The following NRXN3 variants were observed in gnomAD, a reference collection of about 807,000 sequenced individuals.
The protein encoded by NRXN3 is neurexin 3.
NRXN3 carries 32 observed loss-of-function variants against 137.6 expected under a neutral mutation model. The ratio of observed to expected loss-of-function variants is 0.23; its 90% CI spans 0.18 to 0.31. NRXN3 has a LOEUF of 0.31. Among genes scored for constraint, NRXN3 ranks in the 10% least tolerant of loss-of-function variants. NRXN3 has a pLI of 1.00. For missense variants in NRXN3, 1,574 were observed against 2,062.5 expected (o/e 0.76, Z 4.59); for synonymous variants, 798 against 784.5 (o/e 1.02, Z -0.29).
rs11628798 is a variant in NRXN3 at position 79,082,077 on chromosome 14, T to C, written c.3262+93936T>C. Reference sequence around the variant, plus strand: ...TATATATGTTTCATACATATATATATACATATATACACATACTTATATATA... The same window carrying C: ...TATATATGTTTCATACATATATATACACATATATACACATACTTATATATA... On this transcript the variant is annotated intron_variant, in intron 15 of 20. Transcript: ENST00000335750. 4.8e-3 allele frequency among the ~76,000 whole-genome samples: 721 copies of C among 151,424 alleles called. 5 individuals carry two copies. The highest frequency in any genetic ancestry group is 0.016 in the African/African-American group (652 of 41,306).
rs143237490 is a variant in NRXN3 at position 78,603,851 on chromosome 14, C to T, written c.758-41269C>T. Among the ~76,000 whole-genome samples the T allele has an allele frequency of 2.3e-3, 348 of 152,212 alleles. 2 individuals carry two copies. Among genetic ancestry groups the T allele is most frequent in the African/African-American group, 7.9e-3 (326 of 41,524 alleles). On this transcript the variant is annotated intron_variant, in intron 4 of 20. Coordinates refer to ENST00000335750, the MANE Select transcript of NRXN3 (RefSeq NM_001330195.2). ...TCATTGGAAATGAAGTTGTTGGCAC[C>T]GACAGTCACAGTTATGAAAATAAGA...
At chr14:79,008,647 T>C (rs58381812) in intron 15 of NRXN3, among the ~76,000 whole-genome samples, 4 of 150,710 alleles carry the variant, frequency 2.7e-5, no homozygotes, top group South Asian at 2.1e-4. Flanking sequence ...TTTTCTTTTC[T>C]TTTTTTCTCT....
chr14:79,585,870 A>G (rs546377090), intron 16 of NRXN3, among the ~76,000 whole-genome samples: 32 of 152,118 alleles, frequency 2.1e-4, no homozygotes, highest in Non-Finnish European at 3.5e-4. Context: ...TGAGGTATGG[A>G]TGAACAGCAA....
intron 15 of NRXN3, among the ~76,000 whole-genome samples, chr14:79,364,776 T>G (rs2093817045): frequency 6.6e-6 from 1 of 152,204 alleles, no homozygotes; most frequent in Admixed American, 6.5e-5. Flanking sequence ...AATTTATTTT[T>G]GCTTCCTAGA....
chr14:79,347,002 C>T (rs2092920649), intron 15 of NRXN3, among the ~76,000 whole-genome samples: 1 of 152,050 alleles, frequency 6.6e-6, no homozygotes, highest in South Asian at 2.1e-4. Context: ...TAAAAACATT[C>T]AGGCTTTGAT....
intron 2 of NRXN3, among the ~76,000 whole-genome samples, chr14:78,257,953 G>A (rs368336457): frequency 9.2e-5 from 14 of 152,138 alleles, no homozygotes; most frequent in East Asian, 3.9e-4. Flanking sequence ...GATGGAAGAA[G>A]GGCTGATTGC....
intron 15 of NRXN3, among the ~76,000 whole-genome samples, chr14:79,114,375 T>A (rs1242006517): frequency 6.6e-6 from 1 of 152,176 alleles, no homozygotes; most frequent in African/African-American, 2.4e-5. Flanking sequence ...TTTTTTTTTG[T>A]TATGAGACAG....
intron 10 of NRXN3, among the ~76,000 whole-genome samples, chr14:78,813,283 C>T (rs1363970239): frequency 6.6e-6 from 1 of 152,178 alleles, no homozygotes; most frequent in African/African-American, 2.4e-5. Flanking sequence ...ATCCGAACTT[C>T]TAAGCCCCTC....
At chr14:78,444,822 G>A (rs1343808967) in intron 4 of NRXN3, among the ~76,000 whole-genome samples, 1 of 150,340 alleles carries the variant, frequency 6.7e-6, no homozygotes, top group Non-Finnish European at 1.5e-5. Flanking sequence ...GGGAGGCTGA[G>A]GCAGAAGAAC....
intron 4 of NRXN3, among the ~76,000 whole-genome samples, chr14:78,490,990 T>C (rs2095655431): frequency 6.6e-6 from 1 of 152,192 alleles, no homozygotes; most frequent in South Asian, 2.1e-4. Flanking sequence ...CTTCTGCATG[T>C]GCCTCCTTCT....
At chr14:78,545,946 GATGAT>G (rs566581292) in intron 4 of NRXN3, among the ~76,000 whole-genome samples, 128 of 152,256 alleles carry the variant, frequency 8.4e-4, no homozygotes, top group Non-Finnish European at 1.3e-3. Context: ...ATTCCAGTCT[GATGAT>G]ATGTTATATA....
At chr14:79,276,709 TA>T (rs757712972) in intron 15 of NRXN3, among the ~76,000 whole-genome samples, 7,776 of 121,920 alleles carry the variant, frequency 0.064, 423 homozygotes, top group African/African-American at 0.18. Context: ...CAATGCCAAT[TA>T]AAAAAAAAAA....
At chr14:78,950,154 A>G (rs1318350816) in intron 10 of NRXN3, among the ~76,000 whole-genome samples, 2 of 152,232 alleles carry the variant, frequency 1.3e-5, no homozygotes, top group African/African-American at 4.8e-5. Context: ...TTTAAAAACA[A>G]GAGTAGAATC....
At chr14:79,473,154 G>C (rs2096529739) in intron 16 of NRXN3, among the ~76,000 whole-genome samples, 1 of 151,918 alleles carries the variant, frequency 6.6e-6, no homozygotes, top group Admixed American at 6.6e-5. Context: ...AGGATGAGGG[G>C]CAGACAAAGA....
chr14:78,261,109 T>C (rs1473981511), intron 2 of NRXN3, among the ~76,000 whole-genome samples: 2 of 152,200 alleles, frequency 1.3e-5, no homozygotes, highest in African/African-American at 2.4e-5. Context: ...GATGTGGAAT[T>C]TGAGCTCTTT....
chr14:79,269,863 G>A (rs1242789413), intron 15 of NRXN3, among the ~76,000 whole-genome samples: 2 of 152,142 alleles, frequency 1.3e-5, no homozygotes, highest in African/African-American at 4.8e-5. Context: ...CAGACAACTT[G>A]TATTGCATGC....
intron 6 of NRXN3, chr14:78,708,667 C>T (rs767196077): frequency 1.3e-5 from 2 of 153,034 alleles, no homozygotes; most frequent in African/African-American, 2.4e-5. Flanking sequence ...ATAATGCCCC[C>T]ACGCCCCCAC....
At chr14:78,884,957 T>A (rs1041285752) in intron 10 of NRXN3, among the ~76,000 whole-genome samples, 1 of 152,044 alleles carries the variant, frequency 6.6e-6, no homozygotes, top group Admixed American at 6.6e-5. Context: ...TAGGAAACAT[T>A]CAGTATATAT....
chr14:79,668,421 G>A (rs781063299), intron 17 of NRXN3, among the ~76,000 whole-genome samples: 1 of 152,034 alleles, frequency 6.6e-6, no homozygotes, highest in Non-Finnish European at 1.5e-5. Flanking sequence ...CCATTTTAAG[G>A]TTACGTTATC....
Sources: gnomAD v4.1 joint callset for allele counts (sites outside exome capture counted in the v4.1 genomes callset) on GRCh38, gnomAD v4.1.1 for gene constraint, MANE v1.5 for transcripts, NCBI Gene and HGNC (gene_info 2026-07-23, HGNC 2026-07-21) for gene names.